The following ZMYND19 variants were observed in gnomAD, a reference collection of about 807,000 sequenced individuals.
ZMYND19 encodes the protein zinc finger MYND-type containing 19, also known as zinc finger MYND domain-containing protein 19.
A neutral mutation model predicts 32.0 loss-of-function variants in ZMYND19; 17 were observed. That is an observed-to-expected ratio of 0.53 (90% confidence interval 0.36 to 0.80). ZMYND19 has a LOEUF of 0.80. ZMYND19 is among the 30% of genes least tolerant of loss of function. The pLI is 0.00. For missense variants in ZMYND19, 250 were observed against 293.6 expected, an observed-to-expected ratio of 0.85 and a Z score of 1.09; for synonymous variants, 124 against 113.6, an observed-to-expected ratio of 1.09 and a Z score of -0.58.
intron 1 of ZMYND19, chr9:137,589,445 A>G: frequency 1.0e-6 from 1 of 985,400 alleles, no homozygotes; most frequent in Non-Finnish European, 1.2e-6. Flanking sequence ...TCTCCCACCA[A>G]AAGCCGCAGC....
At chr9:137,587,212 C>T in intron 3 of ZMYND19, 105 bp from the exon 4 acceptor site, 1 of 1,524,698 alleles carries the variant, frequency 6.6e-7, no homozygotes, top group Non-Finnish European at 8.8e-7. Flanking sequence ...GAAATGTCAG[C>T]CATGTGATCT....
intron 1 of ZMYND19, 83 bp from the exon 2 acceptor site, chr9:137,588,801 G>A (rs1842236666): frequency 3.9e-6 from 6 of 1,526,792 alleles, no homozygotes; most frequent in Middle Eastern, 1.7e-4. Context: ...ACAGGCAGGA[G>A]CCTGTTGCAT....
chr9:137,585,363 C>T (rs1026447745), intron 4 of ZMYND19, among the ~76,000 whole-genome samples: 5 of 145,414 alleles, frequency 3.4e-5, no homozygotes, highest in Admixed American at 7.3e-5. Context: ...GAAGCTACAG[C>T]GAGCCAAGGT....
intron 4 of ZMYND19, among the ~76,000 whole-genome samples, chr9:137,584,998 GA>G (rs1302333498): frequency 1.3e-5 from 2 of 152,136 alleles, no homozygotes; most frequent in East Asian, 3.9e-4. Flanking sequence ...ATCCCCGAAA[GA>G]ATAAAAACCC....
intron 1 of ZMYND19, chr9:137,589,599 TAAG>T: frequency 1.0e-6 from 1 of 985,332 alleles, no homozygotes. Context: ...GGGGGCCAAG[TAAG>T]AAGAGAAGTC....
chr9:137,590,205 C>T lies in ZMYND19; in HGVS notation c.51+8G>A. 1 of 1,117,134 alleles carries T rather than the reference C, an allele frequency of 9.0e-7. No homozygotes were observed. Among genetic ancestry groups the T allele is most frequent in the Non-Finnish European group, 1.1e-6 (1 of 902,848 alleles). 69.2% of individuals were successfully genotyped at this position (1,117,134 alleles called of 1,614,324 possible). ...GACGGGCCGGGTCGCGGGCTCCGCG[C>T]CGCTCACCTTCCCGGCCACCCGGCC... On this transcript the variant is annotated splice_region_variant and intron_variant, in intron 1 of 5. Coordinates refer to ENST00000298585, the MANE Select transcript of ZMYND19 (RefSeq NM_138462.3). The surrounding 1 kb of genome is among the most constrained non-coding windows in gnomAD (Gnocchi z 4.2).
chr9:137,586,787 C>T (rs1004753300), intron 4 of ZMYND19, among the ~76,000 whole-genome samples, 180 bp downstream of exon 4: 8 of 152,350 alleles, frequency 5.3e-5, no homozygotes, highest in Non-Finnish European at 8.8e-5. Context: ...AGATCCTTCC[C>T]GCTCCCATGA....
In ZMYND19 at chr9:137,583,028, G is replaced by C; in HGVS notation, c.495C>G (p.Thr165=). 2.5e-6 allele frequency: 4 copies of C among 1,614,192 alleles called. No individual in the cohort carries two copies. Among genetic ancestry groups the C allele is most frequent in the Non-Finnish European group, 3.4e-6 (4 of 1,180,018 alleles). Residue 165 remains threonine (T), a synonymous_variant, in exon 5 of 6, where the codon ACC becomes ACG. Transcript: ENST00000298585. ...AGGGAGGGTAGTGGCACTCATAGTA[G>C]GTGCAAGAGTTCTCCTCCTCTTCCA... ...DVVEEEENSC[T]YYECHYPPCT...
chr9:137,582,346 C>T lies in ZMYND19; in HGVS notation c.*197G>A. On this transcript the variant is annotated 3_prime_UTR_variant, in exon 6 of 6. Transcript: ENST00000298585. ...TGAGAACCGTCCTGGTGGGAGCCTCCTCCGTTGTCTCTGCTGGAGATGAAC... is the reference window on the plus strand; with the variant it reads ...TGAGAACCGTCCTGGTGGGAGCCTCTTCCGTTGTCTCTGCTGGAGATGAAC... 1.5e-6 allele frequency: 1 copy of T among 661,778 alleles called. No individual in the cohort carries two copies. Among genetic ancestry groups the T allele is most frequent in the Non-Finnish European group, 2.5e-6 (1 of 405,806 alleles). The allele number at this position is 661,778 out of a possible 1,614,324, so 41.0% of individuals were successfully genotyped here.
At chr9:137,586,051 A>G (rs1842200546) in intron 4 of ZMYND19, among the ~76,000 whole-genome samples, 1 of 152,216 alleles carries the variant, frequency 6.6e-6, no homozygotes. Context: ...GGCTCCATGA[A>G]GTTCACAGAC....
At chr9:137,588,559 G>A (rs942173540) in intron 2 of ZMYND19, 100 bp downstream of exon 2, 25 of 1,358,950 alleles carry the variant, frequency 1.8e-5, no homozygotes, top group Non-Finnish European at 2.4e-5. Context: ...CACTTGTGGG[G>A]CCGCCTGCTC....
At position 137,587,117 on chromosome 9, in the gene ZMYND19, G is replaced by A. The variant is rs1428210146; in HGVS notation, c.219-10C>T. 1.5e-5 allele frequency: 24 copies of A among 1,601,872 alleles called. No individual in the cohort carries two copies. Among genetic ancestry groups the A allele is most frequent in the Non-Finnish European group, 1.9e-5 (22 of 1,179,856 alleles). ...CCCCCGGTGCCGCTCCCTAGAAACAGACAGCAAACCCTGCATCTAACCCTG... is the reference window on the plus strand; with the variant it reads ...CCCCCGGTGCCGCTCCCTAGAAACAAACAGCAAACCCTGCATCTAACCCTG... On this transcript the variant is annotated splice_polypyrimidine_tract_variant and intron_variant, in intron 3 of 5. Transcript: ENST00000298585.
At position 137,588,654 on chromosome 9, in the gene ZMYND19, C is replaced by G. The variant is rs781048234; in HGVS notation, c.111+5G>C. The G allele has an allele frequency of 6.2e-7, 1 of 1,614,088 alleles. No homozygotes were observed. Among genetic ancestry groups the G allele is most frequent in the East Asian group, 2.2e-5 (1 of 44,904 alleles). Reference sequence around the variant, plus strand: ...TCAGGGGAGGGAACAGCCATCCTTACTTACCTCAAAGGAGTAGCTCTCCAC... The same window carrying G: ...TCAGGGGAGGGAACAGCCATCCTTAGTTACCTCAAAGGAGTAGCTCTCCAC... On this transcript the variant is annotated splice_donor_5th_base_variant and intron_variant, in intron 2 of 5. Coordinates refer to ENST00000298585, the MANE Select transcript of ZMYND19 (RefSeq NM_138462.3).
At chr9:137,589,534 C>T in intron 1 of ZMYND19, 1 of 985,488 alleles carries the variant, frequency 1.0e-6, no homozygotes, top group Non-Finnish European at 1.2e-6. Context: ...CGAGAAACCG[C>T]CAAGCCTCAA....
Position 137,582,958 on chromosome 9 carries a change from C to G in ZMYND19, c.540+25G>C, listed in dbSNP as rs772687078. 2.5e-6 allele frequency: 4 copies of G among 1,610,786 alleles called. No individual in the cohort carries two copies. The Admixed American group carries it at 5.0e-5, about 20-fold the overall frequency. On this transcript the variant is annotated intron_variant, in intron 5 of 5. Coordinates refer to ENST00000298585, the MANE Select transcript of ZMYND19 (RefSeq NM_138462.3). ...GGCTACAGGGTAGAGGTGCCAGGGA[C>G]GCGACCGCACTGCAGCACACCCACC...
At chr9:137,587,648 C>T (rs529359485) in intron 3 of ZMYND19, 69 bp downstream of exon 3, 824 of 1,408,702 alleles carry the variant, frequency 5.8e-4, no homozygotes, top group Non-Finnish European at 7.6e-4. Context: ...GGGCTCCAGG[C>T]GCCCTGTGCC....
rs1842262123 is a variant in ZMYND19, at chr9:137,590,478, G to A, written c.-215C>T. On this transcript the variant is annotated 5_prime_UTR_variant, in exon 1 of 6. Transcript: ENST00000298585. This position sits in a 1 kb window ranked among gnomAD's most constrained non-coding sequence, Gnocchi z 4.2. ...CCTGCCACGCGCCGCCGCCGCCGCC[G>A]CCACCGCCACCGCGCGCACCACAGC... 1 of 155,556 alleles carries A rather than the reference G, an allele frequency of 6.4e-6. No homozygotes were observed. The highest frequency in any genetic ancestry group is 1.4e-5 in the Non-Finnish European group (1 of 73,448). The allele number at this position is 155,556 out of a possible 1,614,324, so 9.6% of individuals were successfully genotyped here.
intron 4 of ZMYND19, among the ~76,000 whole-genome samples, chr9:137,584,168 TGACC>T (rs1307076420): frequency 6.6e-6 from 1 of 152,264 alleles, no homozygotes. Context: ...CCTGGGGTGC[TGACC>T]CAGCACAAGA....
At chr9:137,587,447 G>A (rs186410379) in intron 3 of ZMYND19, 162 of 592,908 alleles carry the variant, frequency 2.7e-4, no homozygotes, top group African/African-American at 2.7e-3. Context: ...GGGGGGGCTC[G>A]GCAAAACCCA....
Sources: allele counts gnomAD v4.1 joint callset (sites outside exome capture counted in the v4.1 genomes callset), GRCh38; gene constraint gnomAD v4.1.1; non-coding constraint Gnocchi (gnomAD v3.1); transcripts MANE v1.5; gene names NCBI Gene and HGNC (gene_info 2026-07-23, HGNC 2026-07-21).